The following FBXW8 variants were observed in gnomAD, a reference collection of about 807,000 sequenced individuals.
FBXW8 encodes F-box/WD repeat-containing protein 8.
FBXW8 carries 57 observed loss-of-function variants against 65.3 expected under a neutral mutation model. The ratio of observed to expected loss-of-function variants is 0.87; its 90% CI spans 0.71 to 1.09. The LOEUF (loss-of-function observed/expected upper bound fraction) is 1.09. Among genes scored for constraint, FBXW8 ranks in the 50% least tolerant of loss-of-function variants. The pLI is 0.00. For missense variants in FBXW8, 777 were observed against 814.8 expected, an observed-to-expected ratio of 0.95 and a Z score of 0.57; for synonymous variants, 308 against 330.2, an observed-to-expected ratio of 0.93 and a Z score of 0.73.
chr12:116,929,591 A>G lies in FBXW8; in HGVS notation c.423+1464A>G, dbSNP rs56177651. ...TTTTTTTAAATGGACAAATAAAGTT[A>G]TATATATGTATCAGGTATAACATGA... On this transcript the variant is annotated intron_variant, in intron 2 of 10. Coordinates refer to ENST00000652555, the MANE Select transcript of FBXW8 (RefSeq NM_153348.3). 6.0e-3 allele frequency among the ~76,000 whole-genome samples: 914 copies of G among 152,276 alleles called. 4 individuals are homozygous for G. Among genetic ancestry groups the G allele is most frequent in the African/African-American group, 0.02 (850 of 41,550 alleles).
chr12:117,012,780 C>G (rs1953857319), intron 8 of FBXW8, among the ~76,000 whole-genome samples: 1 of 152,150 alleles, frequency 6.6e-6, no homozygotes, highest in Non-Finnish European at 1.5e-5. Flanking sequence ...ATTTTAAAAA[C>G]TTAATTCCCA....
intron 4 of FBXW8, among the ~76,000 whole-genome samples, chr12:116,955,313 C>G (rs1376116204): frequency 6.6e-6 from 1 of 152,214 alleles, no homozygotes; most frequent in Non-Finnish European, 1.5e-5. Context: ...GACGTGCCTT[C>G]AACTGCGACT....
Position 117,029,040 on chromosome 12 carries a change from C to A in FBXW8, c.*868C>A, listed in dbSNP as rs1954301825. The A allele has an allele frequency of 6.6e-6, 1 of 152,234 alleles. No homozygotes were observed. Among genetic ancestry groups the A allele is most frequent in the Non-Finnish European group, 1.5e-5 (1 of 68,050 alleles). 9.4% of individuals were successfully genotyped at this position (152,234 alleles called of 1,614,324 possible). A position where few individuals can be genotyped will look rare whatever the true frequency, so the allele number is the denominator to read the frequency against. ...TACAAAGAGAAATAAAATCCATTCT[C>A]ACGGCAGGCAAATCAGTGAGAAAAA... On this transcript the variant is annotated 3_prime_UTR_variant, in exon 11 of 11. Transcript: ENST00000652555.
At chr12:116,931,538 T>C (rs2137316079) in intron 2 of FBXW8, among the ~76,000 whole-genome samples, 1 of 152,324 alleles carries the variant, frequency 6.6e-6, no homozygotes, top group Admixed American at 6.5e-5. Context: ...GTATCATCCG[T>C]TTTCTCCTTA....
At chr12:117,007,435 C>T (rs1352574278) in intron 7 of FBXW8, among the ~76,000 whole-genome samples, 2 of 152,204 alleles carry the variant, frequency 1.3e-5, no homozygotes, top group East Asian at 3.8e-4. Context: ...CCAGCCTCAA[C>T]ATGGTTTAGC....
At chr12:117,015,159 A>G (rs1953921690) in intron 8 of FBXW8, among the ~76,000 whole-genome samples, 1 of 152,174 alleles carries the variant, frequency 6.6e-6, no homozygotes, top group Non-Finnish European at 1.5e-5. Context: ...ACCACCACAC[A>G]GTTCTGCATG....
intron 4 of FBXW8, among the ~76,000 whole-genome samples, chr12:116,957,701 C>T (rs1039424014): frequency 1.3e-5 from 2 of 152,116 alleles, no homozygotes; most frequent in East Asian, 3.8e-4. Context: ...TTCCTTTAAA[C>T]CTTGTTTTGT....
chr12:117,003,131 A>G (rs1256375340), intron 7 of FBXW8: 2 of 152,274 alleles, frequency 1.3e-5, no homozygotes, highest in Admixed American at 6.5e-5. Context: ...AGCTGTATAC[A>G]TTGCAGTTGG....
At chr12:116,945,702 C>G (rs1882887714) in intron 3 of FBXW8, among the ~76,000 whole-genome samples, 174 bp downstream of exon 3, 1 of 152,196 alleles carries the variant, frequency 6.6e-6, no homozygotes, top group South Asian at 2.1e-4. Context: ...ATTAGATGAT[C>G]TGCCTCTGTT....
intron 5 of FBXW8, among the ~76,000 whole-genome samples, chr12:116,968,870 C>G (rs1437060299): frequency 1.3e-5 from 2 of 151,878 alleles, no homozygotes; most frequent in Non-Finnish European, 1.5e-5. Context: ...TCTTCTGTTA[C>G]TGTTATGGCT....
chr12:116,919,523 G>A (rs571836569), intron 1 of FBXW8, among the ~76,000 whole-genome samples: 5 of 152,264 alleles, frequency 3.3e-5, no homozygotes, highest in South Asian at 4.2e-4. Flanking sequence ...TGCCATTATC[G>A]TTAGTACTCA....
intron 5 of FBXW8, 93 bp downstream of exon 5, chr12:116,964,947 A>G (rs1182113401): frequency 7.7e-7 from 1 of 1,306,504 alleles, no homozygotes; most frequent in Non-Finnish European, 1.0e-6. Context: ...TAATCCCTCC[A>G]TATGTACACG....
intron 1 of FBXW8, among the ~76,000 whole-genome samples, chr12:116,913,775 GTAT>G (rs1358335550): frequency 1.3e-5 from 2 of 152,142 alleles, no homozygotes; most frequent in Non-Finnish European, 2.9e-5. Context: ...AGGGTCTGTA[GTAT>G]TCTGAAAATA....
intron 7 of FBXW8, among the ~76,000 whole-genome samples, chr12:117,003,840 A>C (rs1402196923): frequency 6.6e-6 from 1 of 151,934 alleles, no homozygotes; most frequent in East Asian, 1.9e-4. Flanking sequence ...TCTCCTTTTG[A>C]CTGCTTTTAA....
At chr12:116,950,300 A>G (rs935196726) in intron 4 of FBXW8, 8 of 152,492 alleles carry the variant, frequency 5.2e-5, no homozygotes, top group African/African-American at 1.7e-4. Flanking sequence ...GTACATTTAT[A>G]TATTTATTTA....
chr12:116,963,460 C>T (rs754917197), intron 4 of FBXW8, among the ~76,000 whole-genome samples: 36 of 152,172 alleles, frequency 2.4e-4, no homozygotes, highest in African/African-American at 6.5e-4. Context: ...ACAAACTAGC[C>T]GGACATGGTG....
In FBXW8 at chr12:117,012,375, T is replaced by C. The variant is rs554696044; in HGVS notation, c.1367+1925T>C. Among the ~76,000 whole-genome samples, 3 of 152,288 alleles carry C rather than the reference T, an allele frequency of 2.0e-5. No homozygotes were observed. In the East Asian group the frequency reaches 5.8e-4, roughly 29 times the overall value. On this transcript the variant is annotated intron_variant, in intron 8 of 10. Transcript: ENST00000652555. ...GAGGTGGGGCATCCAAATTGGCATT[T>C]AACCAGTGTGAGTCCTAGAGTAGTG...
intron 5 of FBXW8, among the ~76,000 whole-genome samples, chr12:116,967,627 T>C (rs1884404927): frequency 6.6e-6 from 1 of 152,268 alleles, no homozygotes; most frequent in South Asian, 2.1e-4. Flanking sequence ...GTTAGCTGTT[T>C]CTATTTCTTT....
chr12:117,030,383 T>C lies in FBXW8; in HGVS notation c.*2211T>C, dbSNP rs1219783024. 6.6e-6 allele frequency: 1 copy of C among 152,184 alleles called. No individual in the cohort carries two copies. The highest frequency in any genetic ancestry group is 1.5e-5 in the Non-Finnish European group (1 of 68,040). The allele number at this position is 152,184 out of a possible 1,614,324, so 9.4% of individuals were successfully genotyped here. ...TGTAGGTAGCAAATGCAGGATTTTG[T>C]TTACTTTCATCATGTCATGTGGTGG... On this transcript the variant is annotated 3_prime_UTR_variant, in exon 11 of 11. Coordinates refer to ENST00000652555, the MANE Select transcript of FBXW8 (RefSeq NM_153348.3).
Sources: gnomAD v4.1 joint callset for allele counts (sites outside exome capture counted in the v4.1 genomes callset) on GRCh38, gnomAD v4.1.1 for gene constraint, MANE v1.5 for transcripts, NCBI Gene and HGNC (gene_info 2026-07-23, HGNC 2026-07-21) for gene names.